Variants in NXPH1 observed in about 807,000 individuals in gnomAD.
NXPH1 encodes neurexophilin 1.
Under a neutral mutation model 23.7 loss-of-function variants are expected in NXPH1, and 5 were observed. The ratio of observed to expected loss-of-function variants is 0.21; its 90% CI spans 0.11 to 0.44. NXPH1 has a LOEUF of 0.44. Ranked by LOEUF, NXPH1 falls within the 20% of genes least tolerant of loss-of-function variation. The pLI is 0.99. For missense variants in NXPH1, 324 were observed against 321.6 expected (o/e 1.01, Z -0.06); for synonymous variants, 144 against 122.2 (o/e 1.18, Z -1.18).
chr7:8,598,647 A>G (rs1232978585), intron 2 of NXPH1, among the ~76,000 whole-genome samples: 1 of 152,160 alleles, frequency 6.6e-6, no homozygotes, highest in African/African-American at 2.4e-5. Context: ...CCATAAGTAT[A>G]TTTGTACAGC....
intron 2 of NXPH1, among the ~76,000 whole-genome samples, chr7:8,580,132 G>A (rs149064255): frequency 1.2e-3 from 189 of 152,256 alleles, no homozygotes; most frequent in South Asian, 3.3e-3. Flanking sequence ...ACTGGGGAAC[G>A]GGCATGTAAG....
intron 2 of NXPH1, among the ~76,000 whole-genome samples, chr7:8,525,996 T>A (rs913827676): frequency 9.8e-5 from 11 of 112,376 alleles, no homozygotes; most frequent in Admixed American, 5.0e-4. Flanking sequence ...GACCCCAGAA[T>A]GGTAGTTCAC....
intron 2 of NXPH1, among the ~76,000 whole-genome samples, chr7:8,638,177 A>G (rs781747763): frequency 2.0e-5 from 3 of 152,358 alleles, no homozygotes; most frequent in Non-Finnish European, 4.4e-5. Flanking sequence ...AGCTAGGAAA[A>G]CAAAGCAGAA....
At chr7:8,492,641 C>T (rs114956122) in intron 2 of NXPH1, among the ~76,000 whole-genome samples, 1,568 of 152,076 alleles carry the variant, frequency 0.01, 32 homozygotes, top group African/African-American at 0.036. Flanking sequence ...ATGTTATACA[C>T]ATGGAAGATG....
chr7:8,604,911 T>C (rs1478231899), intron 2 of NXPH1, among the ~76,000 whole-genome samples: 1 of 152,168 alleles, frequency 6.6e-6, no homozygotes, highest in Non-Finnish European at 1.5e-5. Context: ...CACTGAGTAC[T>C]TCCAAATAAT....
intron 2 of NXPH1, among the ~76,000 whole-genome samples, chr7:8,458,572 C>A (rs565548775): frequency 5.9e-4 from 90 of 152,230 alleles, no homozygotes; most frequent in African/African-American, 2.1e-3. Context: ...TTTAGGGGCA[C>A]TTAAGAAGAG....
At chr7:8,610,066 C>T (rs1439235970) in intron 2 of NXPH1, among the ~76,000 whole-genome samples, 3 of 152,194 alleles carry the variant, frequency 2.0e-5, no homozygotes, top group African/African-American at 4.8e-5. Flanking sequence ...GAATTCATAA[C>T]ATTTTATTTT....
intron 2 of NXPH1, among the ~76,000 whole-genome samples, chr7:8,580,660 T>C (rs1289839131): frequency 6.6e-6 from 1 of 152,080 alleles, no homozygotes; most frequent in Middle Eastern, 3.2e-3. Flanking sequence ...AGAATTCTGA[T>C]TGGCACTTGA....
chr7:8,630,870 A>C (rs1820111954), intron 2 of NXPH1, among the ~76,000 whole-genome samples: 1 of 152,106 alleles, frequency 6.6e-6, no homozygotes, highest in African/African-American at 2.4e-5. Context: ...ATATTTCATC[A>C]CCAGGCATTA....
chr7:8,697,598 A>T (rs1779555365), intron 2 of NXPH1, among the ~76,000 whole-genome samples: 1 of 152,148 alleles, frequency 6.6e-6, no homozygotes, highest in Non-Finnish European at 1.5e-5. Context: ...TTGAGATTTT[A>T]TTGGTTGTGT....
chr7:8,607,030 A>G (rs1819508278), intron 2 of NXPH1, among the ~76,000 whole-genome samples: 1 of 152,088 alleles, frequency 6.6e-6, no homozygotes, highest in African/African-American at 2.4e-5. Context: ...TTATTGAATA[A>G]TTTTAGTTGG....
At position 8,518,634 on chromosome 7, in the gene NXPH1, A is replaced by T. The variant is rs144620248; in HGVS notation, c.54+82867A>T. On this transcript the variant is annotated intron_variant, in intron 2 of 2. Transcript: ENST00000405863. ...CCCAAGTAGCTGGGACTGCAGGTAC[A>T]GGACACCACACTCAGCTAATTAAAA... Among the ~76,000 whole-genome samples the T allele has an allele frequency of 9.3e-4, 141 of 152,070 alleles. 1 individual carries two copies. The highest frequency in any genetic ancestry group is 3.3e-3 in the African/African-American group (135 of 41,482).
chr7:8,577,732 C>T lies in NXPH1; in HGVS notation c.54+141965C>T, dbSNP rs544612678. Among the ~76,000 whole-genome samples, 6 of 152,238 alleles carry T rather than the reference C, an allele frequency of 3.9e-5. No homozygotes were observed. In the East Asian group the frequency reaches 9.7e-4, roughly 25 times the overall value. ...CCTTCCACAGTGAGTCAAGGCTTGC[C>T]TGTGTAACTGAACAAGTATTACGGA... On this transcript the variant is annotated intron_variant, in intron 2 of 2. Coordinates refer to ENST00000405863, the MANE Select transcript of NXPH1 (RefSeq NM_152745.3).
chr7:8,491,192 G>A (rs1006378595), intron 2 of NXPH1, among the ~76,000 whole-genome samples: 2 of 151,906 alleles, frequency 1.3e-5, no homozygotes, highest in African/African-American at 2.4e-5. Flanking sequence ...AGCTTGAACG[G>A]GAATCCACTT....
chr7:8,560,974 T>G (rs1482822689), intron 2 of NXPH1, among the ~76,000 whole-genome samples: 1 of 151,616 alleles, frequency 6.6e-6, no homozygotes, highest in Non-Finnish European at 1.5e-5. Context: ...CTCCTAGGGT[T>G]TAGGAAACAA....
At chr7:8,559,479 T>C (rs1584231748) in intron 2 of NXPH1, among the ~76,000 whole-genome samples, 1 of 151,678 alleles carries the variant, frequency 6.6e-6, no homozygotes, top group South Asian at 2.1e-4. Flanking sequence ...TTAATAAAAA[T>C]ATAAATTCTT....
intron 2 of NXPH1, among the ~76,000 whole-genome samples, chr7:8,740,077 T>C (rs2115226627): frequency 6.6e-6 from 1 of 152,340 alleles, no homozygotes; most frequent in African/African-American, 2.4e-5. Flanking sequence ...TTTGAGCTGA[T>C]GTAATGTTTC....
chr7:8,532,204 T>TA (rs1817958248), intron 2 of NXPH1, among the ~76,000 whole-genome samples: 1 of 152,112 alleles, frequency 6.6e-6, no homozygotes, highest in African/African-American at 2.4e-5. Flanking sequence ...TTATAGGCTT[T>TA]AAAAAAACCA....
At chr7:8,670,815 T>G (rs1437137024) in intron 2 of NXPH1, among the ~76,000 whole-genome samples, 2 of 152,228 alleles carry the variant, frequency 1.3e-5, no homozygotes, top group Non-Finnish European at 2.9e-5. Context: ...GGTCTCTTTG[T>G]TCCTGCTTTT....
Sources: gnomAD v4.1 joint callset for allele counts (sites outside exome capture counted in the v4.1 genomes callset) on GRCh38, gnomAD v4.1.1 for gene constraint, MANE v1.5 for transcripts, NCBI Gene and HGNC (gene_info 2026-07-23, HGNC 2026-07-21) for gene names.